FAM222B: variants seen among roughly 807,000 people sequenced by gnomAD.
FAM222B encodes the protein family with sequence similarity 222 member B.
Under a neutral mutation model 38.0 loss-of-function variants are expected in FAM222B, and 12 were observed. The observed-to-expected ratio is 0.32, with a 90% confidence interval of 0.20 to 0.51. FAM222B has a LOEUF of 0.51. FAM222B is among the 20% of genes least tolerant of loss of function. The pLI, the probability that FAM222B is intolerant of heterozygous loss-of-function variation, is 0.97. For synonymous variants in FAM222B, 329 were observed against 317.2 expected (o/e 1.04, Z -0.40); for missense variants, 716 against 754.2 (o/e 0.95, Z 0.59).
At chr17:28,792,677 G>A (rs781133678) in intron 1 of FAM222B, among the ~76,000 whole-genome samples, 10 of 151,676 alleles carry the variant, frequency 6.6e-5, no homozygotes, top group Non-Finnish European at 1.5e-4. Context: ...GTTACTTGGG[G>A]GGCCAAGGCA....
At chr17:28,814,122 G>GT in intron 1 of FAM222B, among the ~76,000 whole-genome samples, 2 of 151,608 alleles carry the variant, frequency 1.3e-5, no homozygotes, top group East Asian at 3.9e-4. Flanking sequence ...GCAGAGTACA[G>GT]TGAGCAGAGA....
intron 1 of FAM222B, among the ~76,000 whole-genome samples, chr17:28,813,154 A>AAAAAAAAACACACATAC (rs2037878956): frequency 1.0e-5 from 1 of 96,076 alleles, no homozygotes; most frequent in East Asian, 3.1e-4. Context: ...CACACATACA[A>AAAAAAAAACACACATAC]AAAAAAAAAA....
At chr17:28,773,608 G>A (rs953953914) in intron 1 of FAM222B, among the ~76,000 whole-genome samples, 2 of 151,398 alleles carry the variant, frequency 1.3e-5, no homozygotes, top group East Asian at 1.9e-4. Context: ...AGACCAGCCT[G>A]GCCAACATGG....
At chr17:28,851,833 C>T (rs2039183214) in intron 1 of FAM222B, among the ~76,000 whole-genome samples, 1 of 150,256 alleles carries the variant, frequency 6.7e-6, no homozygotes, top group South Asian at 2.1e-4. Flanking sequence ...TGAGATCGCA[C>T]CACTGCACTC....
chr17:28,851,180 A>G (rs2039178748), intron 1 of FAM222B, among the ~76,000 whole-genome samples: 1 of 152,034 alleles, frequency 6.6e-6, no homozygotes, highest in Admixed American at 6.6e-5. Context: ...TCACACCTGT[A>G]ATCTCAGCAC....
chr17:28,832,554 C>A (rs1270665401), intron 1 of FAM222B, among the ~76,000 whole-genome samples: 1 of 152,224 alleles, frequency 6.6e-6, no homozygotes, highest in Non-Finnish European at 1.5e-5. Context: ...CCTCCATGCA[C>A]AAGCCTTCCT....
chr17:28,817,256 T>G (rs765583623), intron 1 of FAM222B, among the ~76,000 whole-genome samples: 12 of 143,504 alleles, frequency 8.4e-5, no homozygotes, highest in Non-Finnish European at 1.7e-4. Context: ...TACTAAAAAA[T>G]ACAAAAATTA....
At chr17:28,808,350 T>C (rs1002897300) in intron 1 of FAM222B, among the ~76,000 whole-genome samples, 2 of 152,164 alleles carry the variant, frequency 1.3e-5, no homozygotes, top group Admixed American at 6.6e-5. Context: ...CCATACATCA[T>C]TCCAGTCCTT....
At chr17:28,791,739 A>C (rs1225914191) in intron 1 of FAM222B, among the ~76,000 whole-genome samples, 1 of 141,500 alleles carries the variant, frequency 7.1e-6, no homozygotes, top group African/African-American at 2.7e-5. Flanking sequence ...GGCTCACTAC[A>C]GCCTCCACTT....
At chr17:28,820,516 G>A (rs1644689843) in intron 1 of FAM222B, among the ~76,000 whole-genome samples, 1 of 152,134 alleles carries the variant, frequency 6.6e-6, no homozygotes, top group South Asian at 2.1e-4. Flanking sequence ...TTGATTGGCT[G>A]TGATGCTATA....
chr17:28,851,009 C>T (rs1336170476), intron 1 of FAM222B, among the ~76,000 whole-genome samples: 1 of 151,870 alleles, frequency 6.6e-6, no homozygotes. Flanking sequence ...ATCCCACCTA[C>T]TCAGGAGGCT....
intron 1 of FAM222B, among the ~76,000 whole-genome samples, chr17:28,784,491 TAAAAAAAAAAAAAAA>T (rs559624246): frequency 0.016 from 583 of 35,996 alleles, 11 homozygotes; most frequent in African/African-American, 0.025. Flanking sequence ...TCCCCTCTCT[TAAAAAAAAAAAAAAA>T]AAAAAAAAAA....
At chr17:28,814,555 C>T (rs1051622808) in intron 1 of FAM222B, among the ~76,000 whole-genome samples, 5 of 151,876 alleles carry the variant, frequency 3.3e-5, no homozygotes, top group Non-Finnish European at 7.4e-5. Context: ...CTGCAACCTC[C>T]GCCTCCTAGG....
At position 28,758,324 on chromosome 17, in the gene FAM222B, G is replaced by A. The variant is rs35145691; in HGVS notation, c.1635C>T (p.Ala545=). 3.4e-4 allele frequency: 549 copies of A among 1,610,384 alleles called. 8 individuals are homozygous for A. The East Asian group carries it at 9.6e-3, about 28-fold the overall frequency. ...GACTTCGACTCTCTGTGGGATCGGG[G>A]GCTCGGTTGCCAGGGGCTCGGTGGG... ...SKAHRAPGNR[A]PDPTESRSLH... is the part of the protein sequence containing the mutation. Residue 545 remains alanine (A), a synonymous_variant, in exon 3 of 3, where the codon GCC becomes GCT. Coordinates refer to ENST00000581407, the MANE Select transcript of FAM222B (RefSeq NM_001077498.3).
At chr17:28,828,095 ATTTTTTTTTTT>A (rs528492764) in intron 1 of FAM222B, among the ~76,000 whole-genome samples, 32 of 74,692 alleles carry the variant, frequency 4.3e-4, no homozygotes, top group Admixed American at 2.3e-3. Context: ...ATCAAATCCA[ATTTTTTTTTTT>A]TTTTTTTTTT....
intron 1 of FAM222B, among the ~76,000 whole-genome samples, chr17:28,772,518 A>C (rs2035681596): frequency 6.8e-6 from 1 of 146,480 alleles, no homozygotes; most frequent in Non-Finnish European, 1.5e-5. Flanking sequence ...AGGTCAAGAG[A>C]TCGAGACCAT....
chr17:28,779,751 AAAATAAATAAATAAATAAATAAATAAAT>A (rs57583458), intron 1 of FAM222B, among the ~76,000 whole-genome samples: 1 of 144,594 alleles, frequency 6.9e-6, no homozygotes, highest in Non-Finnish European at 1.5e-5. Context: ...ACTCCGTCTC[AAAATAAATAAATAAATAAATAAATAAAT>A]AAATAAATAA....
At chr17:28,831,050 T>C (rs1040521768) in intron 1 of FAM222B, among the ~76,000 whole-genome samples, 6 of 149,052 alleles carry the variant, frequency 4.0e-5, no homozygotes, top group Non-Finnish European at 5.9e-5. Flanking sequence ...GGCTGGAATG[T>C]AGTGGAATGG....
At chr17:28,771,541 C>T (rs551420560) in intron 1 of FAM222B, among the ~76,000 whole-genome samples, 5 of 151,690 alleles carry the variant, frequency 3.3e-5, no homozygotes, top group Admixed American at 2.0e-4. Context: ...ATTAGTCGGG[C>T]GTGGTGATGG....
Sources: allele counts gnomAD v4.1 joint callset (sites outside exome capture counted in the v4.1 genomes callset), GRCh38; gene constraint gnomAD v4.1.1; transcripts MANE v1.5; gene names NCBI Gene and HGNC (gene_info 2026-07-23, HGNC 2026-07-21).